The following OCA2 variants were observed in gnomAD, a reference collection of about 807,000 sequenced individuals.
OCA2 encodes OCA2 melanosomal transmembrane protein.
In OCA2, 77 loss-of-function variants were observed where a neutral mutation model predicts 100.2. The ratio of observed to expected loss-of-function variants is 0.77; its 90% CI spans 0.64 to 0.93. The LOEUF is 0.93. Among genes scored for constraint, OCA2 ranks in the 40% least tolerant of loss-of-function variants. OCA2 has a pLI of 0.00. For synonymous variants in OCA2, 432 were observed against 439.2 expected, an observed-to-expected ratio of 0.98 and a Z score of 0.21; for missense variants, 1,062 against 1,089.1, an observed-to-expected ratio of 0.98 and a Z score of 0.35.
Position 28,082,290 on chromosome 15 carries a change from A to G in OCA2, c.-21-395T>C, listed in dbSNP as rs148658329. On this transcript the variant is annotated intron_variant, in intron 1 of 23. Transcript: ENST00000354638. ...CAAATAAGGGAATAAAAGGCTGGCT[A>G]CCCCAACACGCTGGACTCCCCTACT... Among the ~76,000 whole-genome samples the G allele has an allele frequency of 4.1e-4, 62 of 152,262 alleles. No individual in the cohort carries two copies. The Middle Eastern group carries it at 0.01, about 25-fold the overall frequency.
intron 2 of OCA2, among the ~76,000 whole-genome samples, chr15:28,069,274 T>C (rs1486274240): frequency 6.6e-6 from 1 of 151,262 alleles, no homozygotes; most frequent in Admixed American, 6.6e-5. Context: ...ACAGCATTTC[T>C]ATACAACAAT....
intron 18 of OCA2, among the ~76,000 whole-genome samples, chr15:27,936,254 T>C (rs1236182241): frequency 1.4e-5 from 2 of 146,896 alleles, no homozygotes; most frequent in African/African-American, 2.4e-5. Flanking sequence ...CACTCCACAG[T>C]TGGGTGGGTG....
chr15:28,095,245 C>A (rs1172424707), intron 1 of OCA2, among the ~76,000 whole-genome samples: 1 of 152,098 alleles, frequency 6.6e-6, no homozygotes, highest in Non-Finnish European at 1.5e-5. Context: ...TGGCGCCCGG[C>A]GGGAGGGCAG....
chr15:27,999,439 C>T (rs902204512), intron 9 of OCA2, among the ~76,000 whole-genome samples: 2 of 152,102 alleles, frequency 1.3e-5, no homozygotes, highest in African/African-American at 4.8e-5. Context: ...AAGCTCTCAA[C>T]AAATAAGGTA....
At chr15:28,095,431 T>C (rs903439176) in intron 1 of OCA2, among the ~76,000 whole-genome samples, 3 of 152,092 alleles carry the variant, frequency 2.0e-5, no homozygotes, top group African/African-American at 7.2e-5. Context: ...CTTAAGAACA[T>C]TGTGGCCGGG....
chr15:27,909,688 G>A (rs78640778), intron 19 of OCA2, among the ~76,000 whole-genome samples: 29,141 of 152,010 alleles, frequency 0.19, 4,101 homozygotes, highest in East Asian at 0.62. Context: ...GGACAACCAG[G>A]TAGTCACTTG....
At chr15:27,823,246 TAG>T (rs375152258) in intron 23 of OCA2, among the ~76,000 whole-genome samples, 184 of 152,358 alleles carry the variant, frequency 1.2e-3, no homozygotes, top group African/African-American at 4.4e-3. Flanking sequence ...TGCTAATTAT[TAG>T]AGTTTTATTA....
chr15:28,030,702 G>A (rs2042884415), intron 3 of OCA2, among the ~76,000 whole-genome samples: 2 of 152,222 alleles, frequency 1.3e-5, no homozygotes, highest in Non-Finnish European at 2.9e-5. Flanking sequence ...TCAGAGGTGA[G>A]TGAAGAAGAC....
chr15:27,929,666 T>G (rs1310146534), intron 18 of OCA2, among the ~76,000 whole-genome samples: 1 of 151,908 alleles, frequency 6.6e-6, no homozygotes, highest in African/African-American at 2.4e-5. Context: ...GAATTCCTGT[T>G]TTTCAAAGGG....
At chr15:27,987,604 C>T (rs2041403951) in intron 11 of OCA2, among the ~76,000 whole-genome samples, 1 of 151,560 alleles carries the variant, frequency 6.6e-6, no homozygotes, top group Non-Finnish European at 1.5e-5. Flanking sequence ...TGGCGGGCGC[C>T]TGTAGTCCCA....
intron 15 of OCA2, among the ~76,000 whole-genome samples, chr15:27,958,182 C>T (rs1439325292): frequency 6.6e-6 from 1 of 152,152 alleles, no homozygotes; most frequent in Non-Finnish European, 1.5e-5. Context: ...CACATGTACC[C>T]TAGAACTTAA....
intron 9 of OCA2, among the ~76,000 whole-genome samples, chr15:27,995,559 A>AT (rs5811523): frequency 5.4e-5 from 8 of 147,988 alleles, no homozygotes; most frequent in African/African-American, 1.7e-4. Flanking sequence ...TGTCCAGCTA[A>AT]TTTTTTTTTT....
chr15:28,034,072 C>T (rs1187203969), intron 2 of OCA2, among the ~76,000 whole-genome samples: 1 of 152,082 alleles, frequency 6.6e-6, no homozygotes, highest in African/African-American at 2.4e-5. Flanking sequence ...TTGATTGAGG[C>T]CATGAGTGCA....
intron 9 of OCA2, among the ~76,000 whole-genome samples, chr15:28,003,463 C>T (rs1385195967): frequency 6.6e-6 from 1 of 152,154 alleles, no homozygotes; most frequent in African/African-American, 2.4e-5. Flanking sequence ...CCCACGCGCG[C>T]TGCCGCGTTC....
At chr15:28,062,772 TG>T (rs1255672077) in intron 2 of OCA2, among the ~76,000 whole-genome samples, 1 of 152,228 alleles carries the variant, frequency 6.6e-6, no homozygotes, top group Non-Finnish European at 1.5e-5. Flanking sequence ...CTTTTGCATG[TG>T]GATAGCCAGT....
At position 28,016,008 on chromosome 15, in the gene OCA2, C is replaced by T. The variant is rs1401916905; in HGVS notation, c.890+96G>A. 7 of 903,548 alleles carry T rather than the reference C, an allele frequency of 7.7e-6. No homozygotes were observed. In the Admixed American group the frequency reaches 1.2e-4, roughly 16 times the overall value. 56.0% of individuals were successfully genotyped at this position (903,548 alleles called of 1,614,324 possible). A position where few individuals can be genotyped will look rare whatever the true frequency, so the allele number is the denominator to read the frequency against. On this transcript the variant is annotated intron_variant, in intron 8 of 23. Transcript: ENST00000354638. ...GTCCAAGTCACATGCTGACCTGGTG[C>T]TGTGTGGGCCGAAATCAGTGTCCTA...
chr15:27,938,903 C>T (rs1396439779), intron 18 of OCA2, among the ~76,000 whole-genome samples: 2 of 152,160 alleles, frequency 1.3e-5, no homozygotes, highest in East Asian at 3.9e-4. Flanking sequence ...ACTGCACAGG[C>T]TCATGGAGAA....
the OCA2 span, among the ~76,000 whole-genome samples, chr15:27,732,409 G>T: frequency 6.6e-6 from 1 of 152,096 alleles, no homozygotes; most frequent in Non-Finnish European, 1.5e-5. Context: ...GGCCCGTGGG[G>T]TCCAGCCCAC....
chr15:28,072,963 G>C (rs2044311936), intron 2 of OCA2, among the ~76,000 whole-genome samples: 1 of 152,126 alleles, frequency 6.6e-6, no homozygotes, highest in Non-Finnish European at 1.5e-5. Flanking sequence ...ATATGCAAAA[G>C]AAAAATCATT....
Sources: gnomAD v4.1 joint callset for allele counts (sites outside exome capture counted in the v4.1 genomes callset) on GRCh38, gnomAD v4.1.1 for gene constraint, MANE v1.5 for transcripts, NCBI Gene and HGNC (gene_info 2026-07-23, HGNC 2026-07-21) for gene names.